NTM: variants seen among roughly 807,000 people sequenced by gnomAD.
The protein encoded by NTM is IgLON family member 2.
A neutral mutation model predicts 42.1 loss-of-function variants in NTM; 13 were observed. That is an observed-to-expected ratio of 0.31 (90% CI 0.20 to 0.49). The LOEUF is 0.49. Among genes scored for constraint, NTM ranks in the 20% least tolerant of loss-of-function variants. NTM has a pLI of 0.99. For missense variants in NTM, 373 were observed against 452.8 expected (o/e 0.82, Z 1.60); for synonymous variants, 187 against 179.2 (o/e 1.04, Z -0.35).
chr11:132,214,946 T>A (rs2138727531), intron 4 of NTM, among the ~76,000 whole-genome samples: 1 of 152,326 alleles, frequency 6.6e-6, no homozygotes, highest in East Asian at 1.9e-4. Context: ...ACTAATCACC[T>A]CAGAACTCAC....
At chr11:131,645,567 A>G (rs1419555259) in intron 1 of NTM, among the ~76,000 whole-genome samples, 2 of 152,238 alleles carry the variant, frequency 1.3e-5, no homozygotes, top group African/African-American at 2.4e-5. Context: ...TTTTACAGAC[A>G]CTAGTTTTAA....
intron 1 of NTM, among the ~76,000 whole-genome samples, chr11:131,907,154 G>T (rs2053984248): frequency 6.6e-6 from 1 of 152,238 alleles, no homozygotes; most frequent in Non-Finnish European, 1.5e-5. Context: ...TTTCGACGAG[G>T]AGAAGCAGAG....
At chr11:131,861,426 G>A (rs1243908143) in intron 1 of NTM, among the ~76,000 whole-genome samples, 4 of 151,978 alleles carry the variant, frequency 2.6e-5, no homozygotes, top group African/African-American at 4.8e-5. Flanking sequence ...CTTTCCTGCC[G>A]TAAATCTCTT....
intron 1 of NTM, among the ~76,000 whole-genome samples, chr11:131,570,898 G>A (rs2057382499): frequency 6.6e-6 from 1 of 152,224 alleles, no homozygotes; most frequent in African/African-American, 2.4e-5. Context: ...AGGCACTGCA[G>A]ACTCAGAAAG....
intron 1 of NTM, among the ~76,000 whole-genome samples, chr11:131,909,455 T>C (rs551173518): frequency 2.0e-5 from 3 of 146,366 alleles, no homozygotes; most frequent in Non-Finnish European, 4.6e-5. Context: ...TATTTAACAG[T>C]TGTTAACAAC....
chr11:131,725,412 G>A (rs1199366636), intron 1 of NTM, among the ~76,000 whole-genome samples: 2 of 152,164 alleles, frequency 1.3e-5, no homozygotes, highest in African/African-American at 4.8e-5. Flanking sequence ...AGAACAGGAA[G>A]GGTAGCCTTG....
chr11:131,500,706 C>G (rs1049296404), intron 1 of NTM, among the ~76,000 whole-genome samples: 2 of 148,792 alleles, frequency 1.3e-5, no homozygotes, highest in Non-Finnish European at 3.0e-5. Flanking sequence ...TTTACATTAG[C>G]TATATCTCCT....
At chr11:131,678,592 A>G (rs569989390) in intron 1 of NTM, among the ~76,000 whole-genome samples, 2 of 152,346 alleles carry the variant, frequency 1.3e-5, no homozygotes, top group South Asian at 4.1e-4. Context: ...AGTTTTAGAC[A>G]TTCTACTGCC....
chr11:132,077,210 A>G (rs1376030571), intron 2 of NTM, among the ~76,000 whole-genome samples: 4 of 152,230 alleles, frequency 2.6e-5, no homozygotes, highest in Non-Finnish European at 5.9e-5. Flanking sequence ...AAGACTTACA[A>G]TTTGGTCTTG....
intron 2 of NTM, among the ~76,000 whole-genome samples, chr11:131,995,547 A>G (rs955328542): frequency 6.6e-6 from 1 of 152,154 alleles, no homozygotes; most frequent in Non-Finnish European, 1.5e-5. Flanking sequence ...GGAGCAGGGC[A>G]TGTGCCAAGA....
At position 131,654,270 on chromosome 11, in the gene NTM, G is replaced by A. The variant is rs374207061; in HGVS notation, c.83-257294G>A. On this transcript the variant is annotated intron_variant, in intron 1 of 8. Transcript: ENST00000683400. Reference sequence around the variant, plus strand: ...TTCACCTAAGGCTTCCTTTCCAGGCGCAGCCCTAGAATGTCAAGGAAAAGC... The same window carrying A: ...TTCACCTAAGGCTTCCTTTCCAGGCACAGCCCTAGAATGTCAAGGAAAAGC... Among the ~76,000 whole-genome samples, 7 of 152,280 alleles carry A rather than the reference G, an allele frequency of 4.6e-5. No homozygotes were observed. The East Asian group carries it at 9.7e-4, about 21-fold the overall frequency.
intron 1 of NTM, among the ~76,000 whole-genome samples, chr11:131,659,684 T>C (rs1433178720): frequency 6.6e-6 from 1 of 152,194 alleles, no homozygotes; most frequent in African/African-American, 2.4e-5. Flanking sequence ...CCTCTCCAAG[T>C]CTTTAACATA....
chr11:131,437,230 C>T lies in NTM; in HGVS notation c.82+66342C>T, dbSNP rs184373518. On this transcript the variant is annotated intron_variant, in intron 1 of 8. Transcript: ENST00000683400. ...TATGTGGTCAATTTTGGAATAAGTG[C>T]GATGTGGTGCTGAGAAGAATGTATA... Among the ~76,000 whole-genome samples, 1,002 of 152,150 alleles carry T rather than the reference C, an allele frequency of 6.6e-3. 15 individuals are homozygous for T. Among genetic ancestry groups the T allele is most frequent in the African/African-American group, 0.023 (957 of 41,486 alleles).
intron 1 of NTM, among the ~76,000 whole-genome samples, chr11:131,456,496 A>G (rs1950905674): frequency 6.6e-6 from 1 of 152,140 alleles, no homozygotes; most frequent in Non-Finnish European, 1.5e-5. Flanking sequence ...GTGCCCCAGC[A>G]TGGCTCCCAA....
chr11:131,864,646 CT>C (rs1347811295), intron 1 of NTM, among the ~76,000 whole-genome samples: 1 of 152,172 alleles, frequency 6.6e-6, no homozygotes, highest in African/African-American at 2.4e-5. Context: ...GAAACAAAGA[CT>C]GTTAGCATTG....
At chr11:131,694,064 C>T (rs1160728858) in intron 1 of NTM, among the ~76,000 whole-genome samples, 1 of 152,182 alleles carries the variant, frequency 6.6e-6, no homozygotes, top group South Asian at 2.1e-4. Context: ...TCGTTTTCTC[C>T]TCTGTCACAT....
intron 2 of NTM, among the ~76,000 whole-genome samples, chr11:131,931,468 C>CGTGT (rs147069139): frequency 0.28 from 40,502 of 142,460 alleles, 6,217 homozygotes; most frequent in Admixed American, 0.45. Flanking sequence ...ATAATATATA[C>CGTGT]GTGTGTGTGT....
chr11:132,225,751 G>A (rs561159697), intron 4 of NTM, among the ~76,000 whole-genome samples: 1 of 152,146 alleles, frequency 6.6e-6, no homozygotes, highest in South Asian at 2.1e-4. Flanking sequence ...TGGGATACGT[G>A]TGCAGAAAGT....
At chr11:131,410,358 T>C (rs1227808174) in intron 1 of NTM, among the ~76,000 whole-genome samples, 1 of 151,644 alleles carries the variant, frequency 6.6e-6, no homozygotes, top group Non-Finnish European at 1.5e-5. Context: ...TGGTGGTGCA[T>C]ACCCGTGGTC....
Sources: gnomAD v4.1 joint callset for allele counts (sites outside exome capture counted in the v4.1 genomes callset) on GRCh38, gnomAD v4.1.1 for gene constraint, MANE v1.5 for transcripts, NCBI Gene and HGNC (gene_info 2026-07-23, HGNC 2026-07-21) for gene names.